The following PHF21A variants were observed in gnomAD, a reference collection of about 807,000 sequenced individuals.
PHF21A encodes the protein BHC80a.
Under a neutral mutation model 82.5 loss-of-function variants are expected in PHF21A, and 11 were observed. The observed-to-expected ratio is 0.13, with a 90% CI of 0.08 to 0.22. PHF21A has a LOEUF of 0.22. Among genes scored for constraint, PHF21A ranks in the 10% least tolerant of loss-of-function variants. PHF21A has a pLI of 1.00. For missense variants in PHF21A, 579 were observed against 837.8 expected (o/e 0.69, Z 3.81); for synonymous variants, 297 against 302.8 (o/e 0.98, Z 0.20).
At chr11:46,014,829 A>C (rs548925119) in intron 6 of PHF21A, among the ~76,000 whole-genome samples, 2 of 99,656 alleles carry the variant, frequency 2.0e-5, no homozygotes, top group South Asian at 6.3e-4. Context: ...AAATACAAAA[A>C]ATTAGCTGGG....
intron 1 of PHF21A, among the ~76,000 whole-genome samples, chr11:46,105,211 ATTC>A (rs2097140312): frequency 6.6e-6 from 1 of 152,190 alleles, no homozygotes; most frequent in Non-Finnish European, 1.5e-5. Context: ...CTGCACTAAC[ATTC>A]TTAACCTCTG....
intron 1 of PHF21A, among the ~76,000 whole-genome samples, chr11:46,108,565 G>GTATA (rs1262511310): frequency 4.4e-5 from 3 of 68,376 alleles, no homozygotes; most frequent in East Asian, 2.1e-3. Context: ...ATGTGTGTGT[G>GTATA]TGTATATATA....
intron 6 of PHF21A, among the ~76,000 whole-genome samples, chr11:46,032,365 G>A (rs1452127275): frequency 6.6e-6 from 1 of 151,920 alleles, no homozygotes; most frequent in Non-Finnish European, 1.5e-5. Context: ...ACACTGCATA[G>A]TGTGCTACCA....
intron 6 of PHF21A, among the ~76,000 whole-genome samples, chr11:45,981,612 T>C (rs2094290214): frequency 6.6e-6 from 1 of 152,102 alleles, no homozygotes; most frequent in African/African-American, 2.4e-5. Flanking sequence ...TCAAGTTAGT[T>C]CATTAGCAGA....
chr11:46,041,913 CAG>C (rs1468618720), intron 6 of PHF21A, among the ~76,000 whole-genome samples: 2 of 152,090 alleles, frequency 1.3e-5, no homozygotes, highest in Admixed American at 1.3e-4. Context: ...ATAGTAAAGA[CAG>C]AGCCCAGAAT....
rs550085879 is a variant in PHF21A, at chr11:46,114,099, ACACACG to A, written c.-237+6830_-237+6835del. On this transcript the variant is annotated intron_variant, in intron 1 of 18. Transcript: ENST00000676320. ...CCTCTAATTCCCTACACACACACAC[ACACACG>A]CACACATCCCCACACACACACGCTT... is the stretch of plus-strand genomic sequence containing the variant. Among the ~76,000 whole-genome samples the A allele has an allele frequency of 4.4e-3, 666 of 151,626 alleles. 23 individuals carry two copies. Among genetic ancestry groups the A allele is most frequent in the Non-Finnish European group, 7.4e-4 (50 of 67,982 alleles).
intron 2 of PHF21A, among the ~76,000 whole-genome samples, chr11:46,091,423 C>A (rs2130471): frequency 3.3e-5 from 5 of 152,090 alleles, no homozygotes; most frequent in Non-Finnish European, 5.9e-5. Context: ...ATTAAAAAAA[C>A]CTCTCAAAGT....
intron 7 of PHF21A, among the ~76,000 whole-genome samples, chr11:45,977,130 CCTTT>C (rs2094066379): frequency 6.6e-6 from 1 of 150,994 alleles, no homozygotes; most frequent in East Asian, 1.9e-4. Context: ...GGAAATGCTT[CCTTT>C]GATTTTTTTT....
At chr11:45,983,510 T>A (rs2094383485) in intron 6 of PHF21A, among the ~76,000 whole-genome samples, 1 of 152,110 alleles carries the variant, frequency 6.6e-6, no homozygotes. Context: ...AAAAAATTTT[T>A]AAATCAAGAT....
intron 6 of PHF21A, among the ~76,000 whole-genome samples, chr11:46,050,445 T>C (rs556212649): frequency 7.8e-4 from 119 of 152,246 alleles, no homozygotes; most frequent in African/African-American, 2.8e-3. Flanking sequence ...GAGAGGCCCA[T>C]GCAGGGAGGC....
In PHF21A at chr11:46,111,632, C is replaced by T. The variant is rs528842875; in HGVS notation, c.-237+9303G>A. Among the ~76,000 whole-genome samples the T allele has an allele frequency of 4.6e-5, 7 of 152,336 alleles. No individual in the cohort carries two copies. In the South Asian group the frequency reaches 1.5e-3, roughly 32 times the overall value. On this transcript the variant is annotated intron_variant, in intron 1 of 18. Coordinates refer to ENST00000676320, the MANE Select transcript of PHF21A (RefSeq NM_001352027.3). ...TAAGAAAGGCACTGCCCTGCTTCTG[C>T]ATACATTCAAACTAAGACATATACA...
At chr11:45,934,505 C>A in intron 18 of PHF21A, 1 of 364,838 alleles carries the variant, frequency 2.7e-6, no homozygotes. Context: ...CGCTTAAAAA[C>A]AAACCGGCAG....
intron 6 of PHF21A, among the ~76,000 whole-genome samples, chr11:46,074,466 G>T (rs902499365): frequency 6.6e-6 from 1 of 151,230 alleles, no homozygotes; most frequent in Non-Finnish European, 1.5e-5. Context: ...GGCGGGAGGG[G>T]GGAAGGCATA....
chr11:45,943,696 A>G (rs1257855645), intron 15 of PHF21A, among the ~76,000 whole-genome samples: 1 of 152,244 alleles, frequency 6.6e-6, no homozygotes, highest in Non-Finnish European at 1.5e-5. Context: ...GGGAAACTGG[A>G]TATTCATACA....
intron 10 of PHF21A, among the ~76,000 whole-genome samples, chr11:45,954,432 C>T (rs1310835233): frequency 1.3e-5 from 2 of 152,140 alleles, no homozygotes; most frequent in African/African-American, 2.4e-5. Flanking sequence ...TGCAGAACCA[C>T]CCTTACATGG....
At chr11:45,952,467 A>G (rs2092252199) in intron 11 of PHF21A, among the ~76,000 whole-genome samples, 3 of 152,218 alleles carry the variant, frequency 2.0e-5, no homozygotes, top group African/African-American at 7.2e-5. Context: ...TGGATCCTTC[A>G]GTTTCCTTTG....
Position 45,935,186 on chromosome 11 carries a change from A to G in PHF21A, c.1788+450T>C, listed in dbSNP as rs949280090. ...GTCAGGAAAACCGGGAAATGCAATC[A>G]GCATGGTGTGGAAGAAAGAGCGAGG... On this transcript the variant is annotated intron_variant, in intron 18 of 18. Coordinates refer to ENST00000676320, the MANE Select transcript of PHF21A (RefSeq NM_001352027.3). The G allele has an allele frequency of 3.9e-6, 5 of 1,290,224 alleles. No homozygotes were observed. In the African/African-American group the frequency reaches 6.1e-5, roughly 16 times the overall value. 79.9% of individuals were successfully genotyped at this position (1,290,224 alleles called of 1,614,324 possible). A position where few individuals can be genotyped will look rare whatever the true frequency, so the allele number is the denominator to read the frequency against.
At chr11:45,999,536 G>T (rs2095043644) in intron 6 of PHF21A, among the ~76,000 whole-genome samples, 1 of 152,116 alleles carries the variant, frequency 6.6e-6, no homozygotes, top group African/African-American at 2.4e-5. Context: ...TCTAACAAAT[G>T]TACTTCAAAA....
intron 5 of PHF21A, among the ~76,000 whole-genome samples, chr11:46,077,999 C>T (rs1174582312): frequency 6.6e-6 from 1 of 152,136 alleles, no homozygotes; most frequent in African/African-American, 2.4e-5. Flanking sequence ...GCAACCTCTG[C>T]CTCCCAGGTT....
Sources: gnomAD v4.1 joint callset for allele counts (sites outside exome capture counted in the v4.1 genomes callset) on GRCh38, gnomAD v4.1.1 for gene constraint, MANE v1.5 for transcripts, NCBI Gene and HGNC (gene_info 2026-07-23, HGNC 2026-07-21) for gene names.